TRPM7: variants seen among roughly 807,000 people sequenced by gnomAD.
The protein encoded by TRPM7 is transient receptor potential cation channel subfamily M member 7.
In TRPM7, 134 loss-of-function variants were observed where a neutral mutation model predicts 229.7. That is an observed-to-expected ratio of 0.58 (90% confidence interval 0.51 to 0.67). TRPM7 has a LOEUF of 0.67. Ranked by LOEUF, TRPM7 falls within the 30% of genes least tolerant of loss-of-function variation. The probability of loss-of-function intolerance (pLI) is 0.00; values close to 1 mark genes in which losing one functional copy is unlikely to be tolerated. For missense variants in TRPM7, 1,901 were observed against 2,210.0 expected (o/e 0.86, Z 2.80); for synonymous variants, 699 against 715.2 (o/e 0.98, Z 0.36).
At chr15:50,591,480 C>T (rs1044020264) in intron 26 of TRPM7, among the ~76,000 whole-genome samples, 8 of 139,502 alleles carry the variant, frequency 5.7e-5, no homozygotes, top group African/African-American at 2.3e-4. Flanking sequence ...ATTTCCCCTA[C>T]TTCTGATTTT....
chr15:50,600,128 C>G (rs910127021), intron 21 of TRPM7, among the ~76,000 whole-genome samples: 1 of 152,072 alleles, frequency 6.6e-6, no homozygotes, highest in African/African-American at 2.4e-5. Flanking sequence ...ACTGTCTAGC[C>G]TAGACAATAT....
chr15:50,607,298 T>A lies in TRPM7; in HGVS notation c.2611A>T (p.Thr871Ser). Residue 871 changes from threonine to serine, a missense_variant, in exon 20 of 39, where the codon ACA becomes TCA. Physicochemically the swap from Thr to Ser is moderately conservative, Grantham distance 58 (BLOSUM62 1). Around this residue, in one of 8 missense-constraint regions of TRPM7, gnomAD observed 207 missense variants for 241.5 expected, o/e 0.86. Transcript: ENST00000646667. ...LAYLGFLMLYTFVVLVQMEQL... is the reference protein window; with the variant it reads ...LAYLGFLMLYSFVVLVQMEQL... ...TCCATTTGTACAAGAACCACAAATGTATAAAGCATCAGAAATCCTAAATAT... is the reference window on the plus strand; with the variant it reads ...TCCATTTGTACAAGAACCACAAATGAATAAAGCATCAGAAATCCTAAATAT... The A allele has an allele frequency of 6.3e-7, 1 of 1,596,672 alleles. No individual in the cohort carries two copies. Among genetic ancestry groups the A allele is most frequent in the Non-Finnish European group, 8.5e-7 (1 of 1,172,052 alleles).
chr15:50,677,930 G>C (rs1361391012), intron 1 of TRPM7, among the ~76,000 whole-genome samples: 1 of 151,398 alleles, frequency 6.6e-6, no homozygotes, highest in Non-Finnish European at 1.5e-5. Context: ...AGAAAAGAAA[G>C]TTAAATGACA....
chr15:50,557,203 G>A lies in TRPM7; in HGVS notation c.*4475C>T, dbSNP rs969473793. 3.3e-5 allele frequency: 5 copies of A among 152,144 alleles called. No individual in the cohort carries two copies. Among genetic ancestry groups the A allele is most frequent in the African/African-American group, 1.2e-4 (5 of 41,432 alleles). 9.4% of individuals were successfully genotyped at this position (152,144 alleles called of 1,614,324 possible). A position where few individuals can be genotyped will look rare whatever the true frequency, so the allele number is the denominator to read the frequency against. ...TTTATTGAGTATTCTTGCTTTGATT[G>A]TCTACGTAAGCATGTAAGACTACAA... is the stretch of plus-strand genomic sequence containing the variant. On this transcript the variant is annotated 3_prime_UTR_variant, in exon 39 of 39. Transcript: ENST00000646667.
intron 21 of TRPM7, among the ~76,000 whole-genome samples, chr15:50,601,598 C>T (rs1352438450): frequency 6.6e-6 from 1 of 151,930 alleles, no homozygotes; most frequent in Non-Finnish European, 1.5e-5. Flanking sequence ...GCACAGATCG[C>T]GCCACTGAAC....
intron 26 of TRPM7, among the ~76,000 whole-genome samples, chr15:50,591,004 T>G (rs568859785): frequency 6.6e-6 from 1 of 152,310 alleles, no homozygotes; most frequent in African/African-American, 2.4e-5. Context: ...CTGAATAATC[T>G]CTATGCATGA....
intron 11 of TRPM7, among the ~76,000 whole-genome samples, chr15:50,626,205 T>C (rs1596240319): frequency 6.6e-6 from 1 of 152,286 alleles, no homozygotes; most frequent in Admixed American, 6.5e-5. Flanking sequence ...TACTGAAATA[T>C]TTATTTTTTA....
At chr15:50,673,344 T>C (rs931684969) in intron 1 of TRPM7, among the ~76,000 whole-genome samples, 3 of 152,200 alleles carry the variant, frequency 2.0e-5, no homozygotes, top group Non-Finnish European at 4.4e-5. Context: ...TAGTGGTGAC[T>C]TGTGAGATTT....
At chr15:50,660,808 A>T (rs2061702307) in intron 2 of TRPM7, among the ~76,000 whole-genome samples, 1 of 152,174 alleles carries the variant, frequency 6.6e-6, no homozygotes. Context: ...GGCATTACAT[A>T]ACCTAAGGGG....
intron 15 of TRPM7, 81 bp from the exon 16 acceptor site, chr15:50,612,910 T>G: frequency 7.9e-7 from 1 of 1,269,282 alleles, no homozygotes; most frequent in South Asian, 1.5e-5. Flanking sequence ...TAGTAAAATA[T>G]CTTTACATTA....
At position 50,580,908 on chromosome 15, in the gene TRPM7, C is replaced by A; in HGVS notation, c.4558G>T (p.Asp1520Tyr). Residue 1520 changes from aspartate to tyrosine, a missense_variant and splice_region_variant, in exon 30 of 39, where the codon GAT (aspartate) becomes TAT (tyrosine). This residue lies in a region of TRPM7 where 533 missense variants were observed against 497.1 expected (regional missense o/e 1.07). Coordinates refer to ENST00000646667, the MANE Select transcript of TRPM7 (RefSeq NM_017672.6). ...EVDSKAALIP[D>Y]WLQDRPSNRE... The stretch of plus-strand genomic sequence containing the variant: ...TTTGATGGTCTATCTTGTAACCAAT[C>A]CTTCAGTAAAAAAAAAACACACACA... 1 of 1,578,054 alleles carries A rather than the reference C, an allele frequency of 6.3e-7. No homozygotes were observed. Among genetic ancestry groups the A allele is most frequent in the South Asian group, 1.2e-5 (1 of 84,238 alleles).
chr15:50,619,691 A>G, intron 13 of TRPM7, 54 bp downstream of exon 13: 1 of 1,351,386 alleles, frequency 7.4e-7, no homozygotes, highest in Non-Finnish European at 1.0e-6. Flanking sequence ...AAAACATGAA[A>G]TATAAATGAT....
intron 11 of TRPM7, among the ~76,000 whole-genome samples, 200 bp downstream of exon 11, chr15:50,627,949 C>G (rs1438325623): frequency 6.6e-6 from 1 of 152,120 alleles, no homozygotes; most frequent in Admixed American, 6.6e-5. Flanking sequence ...GATCTATATA[C>G]TCTACAAAAA....
chr15:50,611,001 C>A, intron 17 of TRPM7, 92 bp downstream of exon 17: 1 of 986,444 alleles, frequency 1.0e-6, no homozygotes, highest in Non-Finnish European at 1.5e-6. Flanking sequence ...ATTACACTCA[C>A]ACATCAAGGC....
At chr15:50,652,328 C>CAAAAAAAAAAAAAAAAAAA (rs34122648) in intron 3 of TRPM7, among the ~76,000 whole-genome samples, 3 of 34,232 alleles carry the variant, frequency 8.8e-5, no homozygotes, top group Admixed American at 5.0e-4. Flanking sequence ...GACTCCATCT[C>CAAAAAAAAAAAAAAAAAAA]AAAAAAAAAA....
In TRPM7 at chr15:50,680,612, T is replaced by C. The variant is rs568910935; in HGVS notation, c.3+5919A>G. ...AACCAGACAACTGAGTTGTAAATTA[T>C]CTGTCCTAAGGTTAATACACAGAAA... On this transcript the variant is annotated intron_variant, in intron 1 of 38. Transcript: ENST00000646667. 2.0e-5 allele frequency among the ~76,000 whole-genome samples: 3 copies of C among 151,930 alleles called. No individual in the cohort carries two copies. In the South Asian group the frequency reaches 6.2e-4, roughly 32 times the overall value.
At chr15:50,593,892 G>T in intron 24 of TRPM7, 143 bp from the exon 25 acceptor site, 3 of 761,232 alleles carry the variant, frequency 3.9e-6, no homozygotes, top group Non-Finnish European at 6.1e-6. Context: ...TGCTTCTAAA[G>T]CACTAGACAA....
chr15:50,673,803 C>A (rs2062041148), intron 1 of TRPM7, among the ~76,000 whole-genome samples: 1 of 152,158 alleles, frequency 6.6e-6, no homozygotes, highest in Non-Finnish European at 1.5e-5. Context: ...AGTAGTGGGA[C>A]TGCTGTATCA....
chr15:50,598,794 G>C (rs2059698406), intron 22 of TRPM7, among the ~76,000 whole-genome samples: 1 of 152,162 alleles, frequency 6.6e-6, no homozygotes. Flanking sequence ...GCAGCCGGAA[G>C]AAAAAGAACA....
Sources: allele counts gnomAD v4.1 joint callset (sites outside exome capture counted in the v4.1 genomes callset), GRCh38; gene constraint gnomAD v4.1.1; regional missense constraint gnomAD v4.1.1; transcripts MANE v1.5; gene names NCBI Gene and HGNC (gene_info 2026-07-23, HGNC 2026-07-21).